The following NUBPL variants were observed in gnomAD, a reference collection of about 807,000 sequenced individuals.
NUBPL encodes the protein iron-sulfur cluster transfer protein NUBPL.
In NUBPL, 31 loss-of-function variants were observed where a neutral mutation model predicts 45.7. The observed-to-expected ratio is 0.68, with a 90% confidence interval of 0.51 to 0.92. NUBPL has a LOEUF of 0.92. NUBPL is among the 40% of genes least tolerant of loss of function. The pLI, the probability that NUBPL is intolerant of heterozygous loss-of-function variation, is 0.00. For missense variants in NUBPL, 401 were observed against 398.7 expected (o/e 1.01, Z -0.05); for synonymous variants, 144 against 140.9 (o/e 1.02, Z -0.15).
chr14:31,808,323 T>G (rs2039730980), intron 7 of NUBPL, among the ~76,000 whole-genome samples: 1 of 152,218 alleles, frequency 6.6e-6, no homozygotes, highest in Non-Finnish European at 1.5e-5. Flanking sequence ...TAGTTCTCCT[T>G]GAAGAGGTCC....
At chr14:31,759,420 A>G (rs1056027520) in intron 6 of NUBPL, among the ~76,000 whole-genome samples, 4 of 151,998 alleles carry the variant, frequency 2.6e-5, no homozygotes, top group African/African-American at 9.7e-5. Context: ...ATATTTATTA[A>G]TTTTGAAATT....
chr14:31,818,640 C>T (rs1380884843), intron 7 of NUBPL, among the ~76,000 whole-genome samples: 1 of 152,190 alleles, frequency 6.6e-6, no homozygotes, highest in East Asian at 1.9e-4. Flanking sequence ...GCTCCGCCTG[C>T]TGGGTTCACG....
chr14:31,666,261 A>ATTTT (rs764274831), intron 4 of NUBPL, among the ~76,000 whole-genome samples: 2 of 90,688 alleles, frequency 2.2e-5, no homozygotes, highest in Admixed American at 1.2e-4. Context: ...ATATATATAT[A>ATTTT]TAATTTTATT....
At chr14:31,781,735 C>T (rs2039194590) in intron 6 of NUBPL, among the ~76,000 whole-genome samples, 1 of 152,114 alleles carries the variant, frequency 6.6e-6, no homozygotes, top group African/African-American at 2.4e-5. Context: ...CCAACTTATT[C>T]ACACCCCAAG....
chr14:31,743,901 A>T (rs1037629775), intron 6 of NUBPL, among the ~76,000 whole-genome samples: 2 of 152,216 alleles, frequency 1.3e-5, no homozygotes, highest in East Asian at 3.8e-4. Flanking sequence ...TTAACAAATG[A>T]AAGAGCCCCG....
At chr14:31,841,915 GGC>G (rs1160937873) in intron 8 of NUBPL, among the ~76,000 whole-genome samples, 1 of 51,592 alleles carries the variant, frequency 1.9e-5, no homozygotes, top group Non-Finnish European at 3.8e-5. Context: ...GTCGATTCTG[GGC>G]TTTTTTTTTT....
chr14:31,761,734 TTTAC>T (rs1595596007), intron 6 of NUBPL, among the ~76,000 whole-genome samples: 2 of 152,230 alleles, frequency 1.3e-5, no homozygotes, highest in African/African-American at 4.8e-5. Context: ...GTGACAGTAA[TTTAC>T]TTAATCATTA....
chr14:31,771,502 A>G (rs2039008805), intron 6 of NUBPL, among the ~76,000 whole-genome samples: 1 of 152,112 alleles, frequency 6.6e-6, no homozygotes, highest in East Asian at 1.9e-4. Flanking sequence ...TGTTAGCAGA[A>G]CTCTTCAGGG....
chr14:31,601,900 A>G, intron 4 of NUBPL, among the ~76,000 whole-genome samples: 1 of 152,188 alleles, frequency 6.6e-6, no homozygotes, highest in Admixed American at 6.5e-5. Context: ...TATATACCCA[A>G]AGGACTATAA....
chr14:31,832,831 A>G (rs552771043), intron 8 of NUBPL, among the ~76,000 whole-genome samples: 73 of 152,274 alleles, frequency 4.8e-4, no homozygotes, highest in South Asian at 1.4e-3. Context: ...TCTATGCCTT[A>G]GTTTTCTCAA....
chr14:31,744,430 C>T (rs28548899), intron 6 of NUBPL, among the ~76,000 whole-genome samples: 5,487 of 151,958 alleles, frequency 0.036, 129 homozygotes, highest in African/African-American at 0.076. Flanking sequence ...AGGAAAAATA[C>T]ACAGAAGAAC....
chr14:31,697,001 AAGCCATCATTGT>A (rs1393992947), intron 6 of NUBPL, among the ~76,000 whole-genome samples: 4 of 152,232 alleles, frequency 2.6e-5, no homozygotes, highest in African/African-American at 4.8e-5. Context: ...TATGAAATTG[AAGCCATCATTGT>A]AGTTTAAATT....
chr14:31,820,206 C>T (rs994771007), intron 7 of NUBPL, among the ~76,000 whole-genome samples: 4 of 151,500 alleles, frequency 2.6e-5, no homozygotes, highest in African/African-American at 4.9e-5. Flanking sequence ...TTGAGATAGG[C>T]ATTTTTCCCT....
chr14:31,836,235 T>C (rs1360218489), intron 8 of NUBPL, among the ~76,000 whole-genome samples: 1 of 152,072 alleles, frequency 6.6e-6, no homozygotes, highest in Non-Finnish European at 1.5e-5. Context: ...CGCAAAAAGG[T>C]TGTGGTGGCT....
At position 31,567,402 on chromosome 14, in the gene NUBPL, T is replaced by C. The variant is rs372297930; in HGVS notation, c.291+2354T>C. Among the ~76,000 whole-genome samples, 30 of 152,308 alleles carry C rather than the reference T, an allele frequency of 2.0e-4. No homozygotes were observed. The East Asian group carries it at 5.6e-3, about 28-fold the overall frequency. ...TCTTCTGCTCATTGATTATGTTTTGTGATGTGTTTGTTCTGTCTCCAGAAA... is the reference window on the plus strand; with the variant it reads ...TCTTCTGCTCATTGATTATGTTTTGCGATGTGTTTGTTCTGTCTCCAGAAA... On this transcript the variant is annotated intron_variant, in intron 3 of 10. Transcript: ENST00000281081.
At chr14:31,690,136 G>A (rs1479898767) in intron 6 of NUBPL, among the ~76,000 whole-genome samples, 2 of 151,944 alleles carry the variant, frequency 1.3e-5, no homozygotes, top group African/African-American at 2.4e-5. Flanking sequence ...AGGAAGAGAA[G>A]TGAGCACCAG....
chr14:31,808,803 T>C (rs2039742098), intron 7 of NUBPL, among the ~76,000 whole-genome samples: 1 of 152,196 alleles, frequency 6.6e-6, no homozygotes, highest in African/African-American at 2.4e-5. Context: ...CAATACCAAA[T>C]TTATTGAGAG....
intron 9 of NUBPL, 130 bp downstream of exon 9, chr14:31,846,721 T>A (rs2040458918): frequency 7.1e-7 from 1 of 1,417,512 alleles, no homozygotes; most frequent in African/African-American, 1.4e-5. Flanking sequence ...CTTTGGGAGG[T>A]CGAGGTGGAC....
chr14:31,561,650 C>T (rs993326049), intron 1 of NUBPL, 103 bp downstream of exon 1: 1 of 771,484 alleles, frequency 1.3e-6, no homozygotes. Flanking sequence ...GCCTCAGTTC[C>T]TGAGACCCCC....
Sources: gnomAD v4.1 joint callset for allele counts (sites outside exome capture counted in the v4.1 genomes callset) on GRCh38, gnomAD v4.1.1 for gene constraint, MANE v1.5 for transcripts, NCBI Gene and HGNC (gene_info 2026-07-23, HGNC 2026-07-21) for gene names.